Variants in ABTB3 observed in about 807,000 individuals in gnomAD.
ABTB3 encodes ankyrin repeat and BTB domain containing 3.
chr12:107,499,570 G>T, the ABTB3 span, among the ~76,000 whole-genome samples: 1 of 152,046 alleles, frequency 6.6e-6, no homozygotes, highest in East Asian at 1.9e-4. Context: ...TTGTTTAATT[G>T]ACTCACAGTT....
At chr12:107,373,802 C>A in the ABTB3 span, among the ~76,000 whole-genome samples, 665 of 152,314 alleles carry the variant, frequency 4.4e-3, 3 homozygotes, top group African/African-American at 0.016. Context: ...AGAGGGATGG[C>A]CCCGTAACTC....
chr12:107,552,481 A>G, the ABTB3 span, among the ~76,000 whole-genome samples: 1 of 152,214 alleles, frequency 6.6e-6, no homozygotes, highest in East Asian at 1.9e-4. Flanking sequence ...GCGTACATAC[A>G]ACAGCTTTTG....
At chr12:107,600,481 C>G in the ABTB3 span, among the ~76,000 whole-genome samples, 1 of 152,194 alleles carries the variant, frequency 6.6e-6, no homozygotes, top group Non-Finnish European at 1.5e-5. Context: ...TATCTTTGCT[C>G]TCTTCCAAGA....
At chr12:107,480,500 A>C in the ABTB3 span, among the ~76,000 whole-genome samples, 3 of 152,214 alleles carry the variant, frequency 2.0e-5, no homozygotes, top group Non-Finnish European at 4.4e-5. Context: ...TGATGTGTCC[A>C]AAGTCACACA....
chr12:107,565,656 G>T, the ABTB3 span, among the ~76,000 whole-genome samples: 1 of 152,152 alleles, frequency 6.6e-6, no homozygotes, highest in Non-Finnish European at 1.5e-5. Context: ...GATCTGCTTT[G>T]GTTCTTCCTT....
chr12:107,578,309 T>A, the ABTB3 span, among the ~76,000 whole-genome samples: 1 of 151,752 alleles, frequency 6.6e-6, no homozygotes, highest in Non-Finnish European at 1.5e-5. Context: ...TCAAGGTGTC[T>A]TATTCTGGAG....
the ABTB3 span, among the ~76,000 whole-genome samples, chr12:107,652,314 CA>C: frequency 1.3e-5 from 2 of 152,344 alleles, no homozygotes; most frequent in South Asian, 4.1e-4. Context: ...GATGTGTGCT[CA>C]GGGGTGAGAA....
chr12:107,528,029 G>A, the ABTB3 span, among the ~76,000 whole-genome samples: 6 of 152,330 alleles, frequency 3.9e-5, no homozygotes, highest in African/African-American at 1.4e-4. Flanking sequence ...ATATACTAGA[G>A]TAAGTGGTAG....
chr12:107,386,518 G>A, the ABTB3 span, among the ~76,000 whole-genome samples: 1 of 152,200 alleles, frequency 6.6e-6, no homozygotes, highest in Non-Finnish European at 1.5e-5. Context: ...GTCAACAGAA[G>A]GGAGGTGTTT....
chr12:107,372,917 G>A, the ABTB3 span, among the ~76,000 whole-genome samples: 1 of 152,214 alleles, frequency 6.6e-6, no homozygotes, highest in Non-Finnish European at 1.5e-5. Flanking sequence ...CCAGTGCCGG[G>A]AGCAGGGTTT....
chr12:107,388,701 A>C, the ABTB3 span, among the ~76,000 whole-genome samples: 1 of 152,282 alleles, frequency 6.6e-6, no homozygotes. Flanking sequence ...TCTGCACAGC[A>C]CCAGCAGGTC....
the ABTB3 span, among the ~76,000 whole-genome samples, chr12:107,431,360 CAGCACTTTGGG>C: frequency 6.6e-6 from 1 of 152,198 alleles, no homozygotes; most frequent in Non-Finnish European, 1.5e-5. Context: ...CCTGTAATCC[CAGCACTTTGGG>C]AGGCCAAGGC....
At chr12:107,464,785 G>T in the ABTB3 span, among the ~76,000 whole-genome samples, 1 of 152,174 alleles carries the variant, frequency 6.6e-6, no homozygotes, top group African/African-American at 2.4e-5. Context: ...TCTATCAAAG[G>T]CAGTTTTACT....
chr12:107,570,926 T>G, the ABTB3 span, among the ~76,000 whole-genome samples: 1 of 152,160 alleles, frequency 6.6e-6, no homozygotes, highest in Non-Finnish European at 1.5e-5. Flanking sequence ...GGAAATGATA[T>G]AGTGAATGGC....
the ABTB3 span, among the ~76,000 whole-genome samples, chr12:107,411,445 A>C: frequency 0.14 from 22,039 of 152,286 alleles, 1,989 homozygotes; most frequent in Admixed American, 0.26. Flanking sequence ...TCAAATGCTG[A>C]AATTTATGTA....
At chr12:107,474,235 A>AG in the ABTB3 span, among the ~76,000 whole-genome samples, 1 of 152,022 alleles carries the variant, frequency 6.6e-6, no homozygotes, top group African/African-American at 2.4e-5. Flanking sequence ...GGGGCTGGAG[A>AG]GGAGCCACTG....
chr12:107,546,515 G>C, the ABTB3 span, among the ~76,000 whole-genome samples: 1 of 152,192 alleles, frequency 6.6e-6, no homozygotes, highest in African/African-American at 2.4e-5. Context: ...TTCCCTGCTA[G>C]ACCACTGCCA....
the ABTB3 span, among the ~76,000 whole-genome samples, chr12:107,594,953 T>C: frequency 4.6e-5 from 7 of 151,978 alleles, no homozygotes; most frequent in Non-Finnish European, 1.0e-4. Flanking sequence ...GGGCACTCTG[T>C]GTATTGCAGG....
chr12:107,457,280 T>C, the ABTB3 span, among the ~76,000 whole-genome samples: 1 of 152,340 alleles, frequency 6.6e-6, no homozygotes, highest in Middle Eastern at 3.4e-3. Flanking sequence ...ATGGTTGTTT[T>C]TAATCCAAGG....
Sources: allele counts gnomAD v4.1 joint callset (sites outside exome capture counted in the v4.1 genomes callset), GRCh38; gene constraint gnomAD v4.1.1; transcripts MANE v1.5; gene names NCBI Gene and HGNC (gene_info 2026-07-23, HGNC 2026-07-21).